Variants in PCDHA9 observed in about 807,000 individuals in gnomAD.
The protein encoded by PCDHA9 is protocadherin alpha-9.
In PCDHA9, 62 loss-of-function variants were observed where a neutral mutation model predicts 62.0. The ratio of observed to expected loss-of-function variants is 1.00; its 90% CI spans 0.81 to 1.23. PCDHA9 has a LOEUF of 1.23. Among genes scored for constraint, PCDHA9 ranks in the 50% most tolerant of loss-of-function variants. The probability of loss-of-function intolerance (pLI) is 0.00; values close to 1 mark genes in which losing one functional copy is unlikely to be tolerated. For synonymous variants in PCDHA9, 557 were observed against 567.6 expected (o/e 0.98, Z 0.27); for missense variants, 1,205 against 1,249.8 (o/e 0.96, Z 0.54).
At chr5:140,900,494 C>G (rs2068089293) in intron 1 of PCDHA9, among the ~76,000 whole-genome samples, 1 of 152,202 alleles carries the variant, frequency 6.6e-6, no homozygotes, top group Admixed American at 6.5e-5. Context: ...TCAGACTGGT[C>G]TCAAATTCCC....
At chr5:140,862,742 T>A (rs2047519053) in intron 1 of PCDHA9, 2 of 577,562 alleles carry the variant, frequency 3.5e-6, no homozygotes, top group East Asian at 4.8e-5. Context: ...TATGTGTGGG[T>A]GCACGCGGAG....
chr5:140,897,253 T>C (rs1481151592), intron 1 of PCDHA9, among the ~76,000 whole-genome samples: 1 of 151,928 alleles, frequency 6.6e-6, no homozygotes, highest in East Asian at 1.9e-4. Flanking sequence ...TACATATGTA[T>C]ACATGTGCCA....
intron 1 of PCDHA9, chr5:140,859,600 C>T (rs1562546033): frequency 6.1e-6 from 1 of 162,864 alleles, no homozygotes; most frequent in African/African-American, 2.4e-5. Context: ...TTAGCAATTA[C>T]TTTTTTCTTT....
At chr5:140,976,718 C>A (rs2096728735) in intron 1 of PCDHA9, among the ~76,000 whole-genome samples, 1 of 152,096 alleles carries the variant, frequency 6.6e-6, no homozygotes, top group South Asian at 2.1e-4. Context: ...CATTATAGTT[C>A]ATTTATTTAA....
At chr5:140,977,671 A>G (rs2096770792) in intron 1 of PCDHA9, among the ~76,000 whole-genome samples, 1 of 152,178 alleles carries the variant, frequency 6.6e-6, no homozygotes, top group South Asian at 2.1e-4. Flanking sequence ...CTGCATGCCA[A>G]ATATCATGTA....
chr5:140,857,377 G>C (rs1347476888), intron 1 of PCDHA9: 3 of 1,598,472 alleles, frequency 1.9e-6, no homozygotes, highest in Non-Finnish European at 1.7e-6. Flanking sequence ...TGTCTGTGGA[G>C]GTGGCCGACG....
At chr5:140,931,183 T>C (rs1225985669) in intron 1 of PCDHA9, among the ~76,000 whole-genome samples, 2 of 152,158 alleles carry the variant, frequency 1.3e-5, no homozygotes, top group Non-Finnish European at 2.9e-5. Context: ...GGGAAGGAAA[T>C]TGGTGCACTA....
chr5:140,876,269 C>T, intron 1 of PCDHA9: 2 of 1,614,036 alleles, frequency 1.2e-6, no homozygotes, highest in Non-Finnish European at 1.7e-6. Flanking sequence ...CAACTAAATG[C>T]TTCCGATCCA....
chr5:140,975,759 A>G (rs1420459945), intron 1 of PCDHA9, among the ~76,000 whole-genome samples: 1 of 152,248 alleles, frequency 6.6e-6, no homozygotes, highest in Non-Finnish European at 1.5e-5. Context: ...TCTATGTCAT[A>G]AATCACAGAT....
At chr5:140,968,446 C>T in intron 1 of PCDHA9, 1 of 1,614,046 alleles carries the variant, frequency 6.2e-7, no homozygotes, top group Non-Finnish European at 8.5e-7. Context: ...CACCACTGAG[C>T]AGCACTGTGA....
At chr5:140,963,925 T>C (rs1293339875) in intron 1 of PCDHA9, among the ~76,000 whole-genome samples, 1 of 152,230 alleles carries the variant, frequency 6.6e-6, no homozygotes, top group Non-Finnish European at 1.5e-5. Flanking sequence ...CTAAGTAACA[T>C]GTCCATAGCC....
At chr5:140,928,928 C>T in intron 1 of PCDHA9, 3 of 1,614,130 alleles carry the variant, frequency 1.9e-6, no homozygotes, top group Non-Finnish European at 2.5e-6. Context: ...CAGCTTTCTG[C>T]CCAGAACTTG....
chr5:140,929,499 C>A, intron 1 of PCDHA9: 2 of 980,262 alleles, frequency 2.0e-6, no homozygotes, highest in Non-Finnish European at 2.8e-6. Context: ...GAAGATTGCC[C>A]TAGGCCTCAA....
intron 1 of PCDHA9, among the ~76,000 whole-genome samples, chr5:140,940,805 A>G (rs957278090): frequency 6.6e-6 from 1 of 152,202 alleles, no homozygotes. Context: ...ATTTGCCAGG[A>G]TATCCTGAGA....
At chr5:140,884,440 G>A in intron 1 of PCDHA9, 1 of 1,613,830 alleles carries the variant, frequency 6.2e-7, no homozygotes, top group Non-Finnish European at 8.5e-7. Flanking sequence ...TGCGGTGCTC[G>A]GCACCGCCCA....
chr5:140,878,351 A>C (rs2057557275), intron 1 of PCDHA9, among the ~76,000 whole-genome samples: 1 of 152,248 alleles, frequency 6.6e-6, no homozygotes, highest in South Asian at 2.1e-4. Flanking sequence ...ACAATAATAT[A>C]AATGATATGT....
chr5:140,959,031 G>A (rs1554223798), intron 1 of PCDHA9, among the ~76,000 whole-genome samples: 1 of 151,806 alleles, frequency 6.6e-6, no homozygotes, highest in Non-Finnish European at 1.5e-5. Flanking sequence ...CTTTATCATG[G>A]GTATGTATGT....
chr5:140,870,085 C>T lies in PCDHA9; in HGVS notation c.2394+19196C>T, dbSNP rs200687541. ...ACAGGCTACAGATAAGGGGACTCCCCCAATGGCAGGTCACTGTACAGTCTG... is the reference window on the plus strand; with the variant it reads ...ACAGGCTACAGATAAGGGGACTCCCTCAATGGCAGGTCACTGTACAGTCTG... On this transcript the variant is annotated intron_variant, in intron 1 of 3. Coordinates refer to ENST00000532602, the MANE Select transcript of PCDHA9 (RefSeq NM_031857.2). 1.7e-4 allele frequency: 271 copies of T among 1,613,744 alleles called. No homozygotes were observed. The highest frequency in any genetic ancestry group is 1.8e-4 in the Non-Finnish European group (215 of 1,179,872).
At position 140,850,786 on chromosome 5, in the gene PCDHA9, A is replaced by C. The variant is rs2150498536; in HGVS notation, c.2291A>C (p.Lys764Thr). 0.62 allele frequency: 994,890 copies of C among 1,596,700 alleles called. 342,727 individuals are homozygous for C. The highest frequency in any genetic ancestry group is 0.72 in the African/African-American group (53,217 of 73,966). The stretch of plus-strand genomic sequence containing the variant: ...CAGAGGGTGTGCTCTGGCGAGGGTA[A>C]GCAGAAGACCGACCTCATGGCCTTC... ...RRQRVCSGEG[K>T]QKTDLMAFSP... The change falls in exon 1 of 4, where the codon AAG becomes ACG. Residue 764 changes from lysine to threonine, a missense_variant. Transcript: ENST00000532602.
Sources: gnomAD v4.1 joint callset for allele counts (sites outside exome capture counted in the v4.1 genomes callset) on GRCh38, gnomAD v4.1.1 for gene constraint, MANE v1.5 for transcripts, NCBI Gene and HGNC (gene_info 2026-07-23, HGNC 2026-07-21) for gene names.